The following RAB10 variants were observed in gnomAD, a reference collection of about 807,000 sequenced individuals.
RAB10 encodes the protein RAB10, member RAS oncogene family.
In RAB10, 5 loss-of-function variants were observed where a neutral mutation model predicts 25.7. The ratio of observed to expected loss-of-function variants is 0.19; its 90% CI spans 0.10 to 0.41. The LOEUF (loss-of-function observed/expected upper bound fraction) is 0.41. RAB10 is among the 10% of genes least tolerant of loss of function. The pLI, the probability that RAB10 is intolerant of heterozygous loss-of-function variation, is 1.00. For synonymous variants in RAB10, 89 were observed against 86.4 expected (o/e 1.03, Z -0.16); for missense variants, 103 against 245.8 (o/e 0.42, Z 3.89).
At chr2:26,052,935 A>G (rs1264319527) in intron 1 of RAB10, among the ~76,000 whole-genome samples, 1 of 152,136 alleles carries the variant, frequency 6.6e-6, no homozygotes, top group Non-Finnish European at 1.5e-5. Flanking sequence ...AACCCTCCCA[A>G]ATGAATTGAC....
intron 1 of RAB10, among the ~76,000 whole-genome samples, chr2:26,087,916 A>T (rs1182010102): frequency 2.6e-5 from 4 of 152,244 alleles, no homozygotes; most frequent in Non-Finnish European, 5.9e-5. Flanking sequence ...CTGCATACAG[A>T]TAAAGAAACA....
intron 1 of RAB10, among the ~76,000 whole-genome samples, chr2:26,087,815 G>A (rs1390507174): frequency 6.6e-6 from 1 of 152,168 alleles, no homozygotes; most frequent in Non-Finnish European, 1.5e-5. Flanking sequence ...TTCTAACAGT[G>A]CCAGGCACAT....
At chr2:26,060,355 C>T (rs1441683334) in intron 1 of RAB10, among the ~76,000 whole-genome samples, 2 of 152,184 alleles carry the variant, frequency 1.3e-5, no homozygotes, top group South Asian at 2.1e-4. Context: ...TGCAGTGGCA[C>T]GATCTCGGCT....
upstream of RAB10, among the ~76,000 whole-genome samples, chr2:26,033,702 C>T (rs991909559): frequency 6.6e-6 from 1 of 152,216 alleles, no homozygotes. Flanking sequence ...GCAGAGAAAC[C>T]GCAGCGCAGT....
At chr2:26,039,600 C>G (rs1361630099) in intron 1 of RAB10, among the ~76,000 whole-genome samples, 1 of 151,806 alleles carries the variant, frequency 6.6e-6, no homozygotes, top group Non-Finnish European at 1.5e-5. Context: ...CCACCCACCT[C>G]GGCCTCCCAA....
intron 1 of RAB10, among the ~76,000 whole-genome samples, chr2:26,051,822 C>CTGA (rs1251305733): frequency 7.6e-4 from 115 of 151,654 alleles, no homozygotes; most frequent in African/African-American, 2.6e-3. Context: ...CTTTGGGAGG[C>CTGA]TGAGGCAGGC....
chr2:26,109,754 G>T lies in RAB10; in HGVS notation c.189-14G>T, dbSNP rs1667534853. The T allele has an allele frequency of 6.5e-7, 1 of 1,539,294 alleles. No individual in the cohort carries two copies. Among genetic ancestry groups the T allele is most frequent in the Non-Finnish European group, 8.7e-7 (1 of 1,150,138 alleles). On this transcript the variant is annotated splice_polypyrimidine_tract_variant and intron_variant, in intron 2 of 5. Coordinates refer to ENST00000264710, the MANE Select transcript of RAB10 (RefSeq NM_016131.5). ...TCAAAATGCTTAATAGAAATTATTG[G>T]CTGTTTATTTCAGGGATACAGCAGG...
At chr2:26,057,916 G>A (rs866355526) in intron 1 of RAB10, among the ~76,000 whole-genome samples, 36 of 152,136 alleles carry the variant, frequency 2.4e-4, no homozygotes, top group African/African-American at 8.4e-4. Flanking sequence ...GAGCCACCAT[G>A]CCCGGCCTAA....
intron 3 of RAB10, among the ~76,000 whole-genome samples, chr2:26,111,463 GT>G (rs1667570620): frequency 6.6e-6 from 1 of 152,050 alleles, no homozygotes; most frequent in Non-Finnish European, 1.5e-5. Flanking sequence ...ACTTAGCTGG[GT>G]GGGGTGGCAC....
At chr2:26,041,543 C>CAAA (rs1230627488) in intron 1 of RAB10, among the ~76,000 whole-genome samples, 710 of 44,510 alleles carry the variant, frequency 0.016, 21 homozygotes, top group African/African-American at 0.04. Flanking sequence ...GACGCTGACT[C>CAAA]AAAAAAAAAA....
At chr2:26,097,587 C>A (rs187463569) in intron 1 of RAB10, among the ~76,000 whole-genome samples, 1 of 152,296 alleles carries the variant, frequency 6.6e-6, no homozygotes, top group East Asian at 1.9e-4. Flanking sequence ...AACTTCAATA[C>A]TGTTAAATGT....
chr2:26,055,708 AGAGATGGGGTTTT>A (rs1666247307), intron 1 of RAB10, among the ~76,000 whole-genome samples: 1 of 151,412 alleles, frequency 6.6e-6, no homozygotes, highest in Non-Finnish European at 1.5e-5. Flanking sequence ...TGTTTGTAGT[AGAGATGGGGTTTT>A]GCAGTGTTGG....
At chr2:26,033,909 T>G (rs939712273), upstream of RAB10, among the ~76,000 whole-genome samples, 2 of 152,194 alleles carry the variant, frequency 1.3e-5, no homozygotes, top group African/African-American at 4.8e-5. Context: ...GCCCGCGGCC[T>G]CGCCCTTTCT....
chr2:26,085,628 AAAG>A (rs918728257), intron 1 of RAB10, among the ~76,000 whole-genome samples: 9 of 152,164 alleles, frequency 5.9e-5, no homozygotes, highest in Non-Finnish European at 7.4e-5. Context: ...TAAAAAAAGA[AAAG>A]AAGTAAAAAG....
chr2:26,108,498 A>G (rs1490811556), intron 2 of RAB10, among the ~76,000 whole-genome samples: 1 of 152,212 alleles, frequency 6.6e-6, no homozygotes, highest in Non-Finnish European at 1.5e-5. Flanking sequence ...GAGTTTAGGG[A>G]CTATGGGGAG....
intron 3 of RAB10, among the ~76,000 whole-genome samples, chr2:26,112,220 G>T (rs912718732): frequency 1.3e-5 from 2 of 152,082 alleles, no homozygotes; most frequent in Non-Finnish European, 1.5e-5. Context: ...CCATCACTTA[G>T]GCATAATTGA....
intron 1 of RAB10, among the ~76,000 whole-genome samples, chr2:26,069,396 A>G (rs964786769): frequency 1.3e-5 from 2 of 152,132 alleles, no homozygotes; most frequent in African/African-American, 2.4e-5. Flanking sequence ...AAAAACTTCA[A>G]CTGGCTGGGC....
At chr2:26,109,652 TC>T in intron 2 of RAB10, 115 bp from the exon 3 acceptor site, 1 of 1,058,388 alleles carries the variant, frequency 9.4e-7, no homozygotes, top group Non-Finnish European at 1.3e-6. Flanking sequence ...GTTATTAATT[TC>T]CTTCAACTAA....
At chr2:26,062,632 C>G (rs1280925127) in intron 1 of RAB10, among the ~76,000 whole-genome samples, 1 of 151,940 alleles carries the variant, frequency 6.6e-6, no homozygotes, top group Non-Finnish European at 1.5e-5. Flanking sequence ...GAGCCGAGAT[C>G]ATGCTACTCC....
Sources: allele counts gnomAD v4.1 joint callset (sites outside exome capture counted in the v4.1 genomes callset), GRCh38; gene constraint gnomAD v4.1.1; transcripts MANE v1.5; gene names NCBI Gene and HGNC (gene_info 2026-07-23, HGNC 2026-07-21).